Variants in NLRP5 observed in about 807,000 individuals in gnomAD.
NLRP5 encodes the protein NACHT, LRR and PYD domains-containing protein 5.
NLRP5 carries 93 observed loss-of-function variants against 113.1 expected under a neutral mutation model. The ratio of observed to expected loss-of-function variants is 0.82; its 90% CI spans 0.70 to 0.98. The LOEUF is 0.98. Among genes scored for constraint, NLRP5 ranks in the 50% least tolerant of loss-of-function variants. The probability of loss-of-function intolerance (pLI) is 0.00; values close to 1 mark genes in which losing one functional copy is unlikely to be tolerated. For missense variants in NLRP5, 1,808 were observed against 1,514.3 expected, an observed-to-expected ratio of 1.19 and a Z score of -3.22; for synonymous variants, 751 against 600.7, an observed-to-expected ratio of 1.25 and a Z score of -3.66.
At chr19:56,020,874 ATTTTTT>A (rs36047346) in intron 6 of NLRP5, among the ~76,000 whole-genome samples, 8 of 137,552 alleles carry the variant, frequency 5.8e-5, no homozygotes, top group Non-Finnish European at 1.1e-4. Flanking sequence ...CCTTCGTGGC[ATTTTTT>A]TTTTTTTTTT....
Position 56,028,056 on chromosome 19 carries a change from G to T in NLRP5, c.1823G>T (p.Cys608Phe), listed in dbSNP as rs778314524. ...GGCCTGGAAATCGAGCCAGCTCTCT[G>T]CCCTCTGTACGTTGAGAAGACAAAG... is the stretch of plus-strand genomic sequence containing the variant. The change falls in exon 7 of 15, where the codon TGC (cysteine) becomes TTC (phenylalanine). Residue 608 changes from cysteine to phenylalanine, a missense_variant. By Grantham distance (205) the Cys-to-Phe change is radical. Transcript: ENST00000390649. The T allele has an allele frequency of 6.2e-7, 1 of 1,613,986 alleles. No homozygotes were observed. Among genetic ancestry groups the T allele is most frequent in the South Asian group, 1.1e-5 (1 of 91,076 alleles).
upstream of NLRP5, among the ~76,000 whole-genome samples, chr19:55,998,712 G>GTATATATATATATA (rs879269189): frequency 1.9e-5 from 2 of 104,530 alleles, no homozygotes; most frequent in African/African-American, 4.8e-5. Flanking sequence ...ATGTGTGTGT[G>GTATATATATATATA]TGTATATATA....
At chr19:55,996,605 C>G (rs996777497), upstream of NLRP5, among the ~76,000 whole-genome samples, 1 of 152,084 alleles carries the variant, frequency 6.6e-6, no homozygotes, top group Non-Finnish European at 1.5e-5. Flanking sequence ...TTCGTCCTTG[C>G]GATAGTTTGC....
At chr19:55,987,833 C>G in the NLRP5 span, 1 of 1,613,872 alleles carries the variant, frequency 6.2e-7, no homozygotes, top group Non-Finnish European at 8.5e-7. Flanking sequence ...TGCCTGGACT[C>G]GAATAACTAG....
intron 5 of NLRP5, among the ~76,000 whole-genome samples, chr19:56,019,918 C>A (rs1982549986): frequency 6.6e-6 from 1 of 150,992 alleles, no homozygotes; most frequent in Non-Finnish European, 1.5e-5. Flanking sequence ...CTCAGTGCAA[C>A]CTCTGCCTCC....
intron 6 of NLRP5, among the ~76,000 whole-genome samples, chr19:56,025,444 C>T (rs926112590): frequency 2.0e-5 from 3 of 148,202 alleles, no homozygotes; most frequent in East Asian, 1.9e-4. Context: ...CTCGCTCTGT[C>T]GCCCAGTCTG....
chr19:56,061,525 C>A lies in NLRP5; in HGVS notation c.3600C>A (p.Asn1200Lys). The change falls in exon 15 of 15, where the codon AAC (asparagine) becomes AAA (lysine). Residue 1200 changes from asparagine to lysine, a missense_variant. Coordinates refer to ENST00000390649, the MANE Select transcript of NLRP5 (RefSeq NM_153447.4). ...AAGATGACCGGTACTGGTGGAAAAA[C>A]TGAAGATACGGAAACCTGCCCCACT... The A allele has an allele frequency of 1.2e-6, 2 of 1,613,978 alleles. No individual in the cohort carries two copies. The highest frequency in any genetic ancestry group is 1.7e-6 in the Non-Finnish European group (2 of 1,179,868).
chr19:56,055,790 C>T (rs745393829), intron 13 of NLRP5, among the ~76,000 whole-genome samples: 4 of 151,908 alleles, frequency 2.6e-5, no homozygotes, highest in Non-Finnish European at 5.9e-5. Flanking sequence ...CATGATCTGC[C>T]CGCCTTGGCC....
chr19:56,005,622 TTA>T, intron 2 of NLRP5, among the ~76,000 whole-genome samples: 1 of 140,164 alleles, frequency 7.1e-6, no homozygotes, highest in Non-Finnish European at 1.5e-5. Context: ...ACATATATAT[TTA>T]TACACACACA....
intron 2 of NLRP5, among the ~76,000 whole-genome samples, chr19:56,005,716 G>C (rs567125288): frequency 1.3e-5 from 2 of 152,272 alleles, no homozygotes; most frequent in Non-Finnish European, 2.9e-5. Flanking sequence ...AACGCTTCAA[G>C]GGCTCTCTCT....
intron 2 of NLRP5, 141 bp from the exon 3 acceptor site, chr19:56,008,647 A>T: frequency 1.4e-6 from 1 of 714,714 alleles, no homozygotes. Context: ...TCTCCGTTAT[A>T]GGCCAATCAT....
At chr19:56,044,412 C>A (rs1983646111) in intron 11 of NLRP5, among the ~76,000 whole-genome samples, 1 of 152,166 alleles carries the variant, frequency 6.6e-6, no homozygotes, top group Non-Finnish European at 1.5e-5. Flanking sequence ...AGATGAGGAT[C>A]CGGTTTCATT....
chr19:55,998,714 G>GACA (rs1981461768), upstream of NLRP5, among the ~76,000 whole-genome samples: 3 of 76,026 alleles, frequency 3.9e-5, no homozygotes, highest in African/African-American at 1.7e-4. Context: ...GTGTGTGTGT[G>GACA]TATATATATA....
intron 13 of NLRP5, among the ~76,000 whole-genome samples, chr19:56,054,668 G>A (rs951138267): frequency 2.5e-4 from 38 of 151,844 alleles, no homozygotes; most frequent in African/African-American, 8.9e-4. Flanking sequence ...GTCACCTGGT[G>A]TATAATTCCA....
chr19:56,001,924 A>G (rs1272114025), intron 1 of NLRP5, among the ~76,000 whole-genome samples: 1 of 152,186 alleles, frequency 6.6e-6, no homozygotes, highest in Non-Finnish European at 1.5e-5. Flanking sequence ...GATTTGCTCA[A>G]ACTGGCCAAC....
At chr19:56,055,405 G>A (rs903213944) in intron 13 of NLRP5, among the ~76,000 whole-genome samples, 9 of 151,422 alleles carry the variant, frequency 5.9e-5, no homozygotes, top group South Asian at 2.1e-4. Context: ...GTTCCTCTTC[G>A]ATCTAGCTTT....
rs1491011983 is a variant in NLRP5, at chr19:56,055,533, C to CTTTTTTTTTTTTTT, written c.3299+1726_3299+1727insTTTTTTTTTTTTTT. On this transcript the variant is annotated intron_variant, in intron 13 of 14. Coordinates refer to ENST00000390649, the MANE Select transcript of NLRP5 (RefSeq NM_153447.4). ...AGCTCCATGTTCTATTTTTCTTTCT[C>CTTTTTTTTTTTTTT]TGTCTTTTTTTTTTTTTTTTTTTTT... Among the ~76,000 whole-genome samples, 38 of 99,532 alleles carry CTTTTTTTTTTTTTT rather than the reference C, an allele frequency of 3.8e-4. 4 individuals carry two copies. Among genetic ancestry groups the CTTTTTTTTTTTTTT allele is most frequent in the Non-Finnish European group, 5.0e-4 (24 of 48,256 alleles). 65.3% of individuals were successfully genotyped at this position (99,532 alleles called of 152,430 possible). A position where few individuals can be genotyped will look rare whatever the true frequency, so the allele number is the denominator to read the frequency against.
At chr19:56,029,430 T>A (rs1983008027) in intron 7 of NLRP5, among the ~76,000 whole-genome samples, 1 of 151,728 alleles carries the variant, frequency 6.6e-6, no homozygotes, top group Admixed American at 6.6e-5. Context: ...CATACCTGGC[T>A]AATTTTTGTA....
At chr19:56,053,504 G>C (rs1984008700) in intron 12 of NLRP5, 134 bp from the exon 13 acceptor site, 1 of 720,308 alleles carries the variant, frequency 1.4e-6, no homozygotes, top group Non-Finnish European at 2.3e-6. Context: ...GGTCTAAGCT[G>C]TTCACAGGAG....
Sources: gnomAD v4.1 joint callset for allele counts (sites outside exome capture counted in the v4.1 genomes callset) on GRCh38, gnomAD v4.1.1 for gene constraint, MANE v1.5 for transcripts, NCBI Gene and HGNC (gene_info 2026-07-23, HGNC 2026-07-21) for gene names.